Variants in PPP1R3A observed in about 807,000 individuals in gnomAD.
PPP1R3A encodes the protein RG1.
PPP1R3A carries 29 observed loss-of-function variants against 41.7 expected under a neutral mutation model. The observed-to-expected ratio is 0.70, with a 90% confidence interval of 0.52 to 0.95. PPP1R3A has a LOEUF of 0.95. PPP1R3A is among the 40% of genes least tolerant of loss of function. The probability of loss-of-function intolerance (pLI) is 0.00; values close to 1 mark genes in which losing one functional copy is unlikely to be tolerated. For synonymous variants in PPP1R3A, 485 were observed against 453.4 expected (o/e 1.07, Z -0.89); for missense variants, 1,352 against 1,292.4 (o/e 1.05, Z -0.71).
At chr7:113,901,202 T>C (rs1215191772) in intron 1 of PPP1R3A, among the ~76,000 whole-genome samples, 3 of 151,706 alleles carry the variant, frequency 2.0e-5, no homozygotes, top group Admixed American at 2.0e-4. Context: ...TAGTGACTTA[T>C]TTCTGTGTGA....
At chr7:113,897,400 G>T (rs1211819709) in intron 1 of PPP1R3A, among the ~76,000 whole-genome samples, 1 of 151,596 alleles carries the variant, frequency 6.6e-6, no homozygotes. Flanking sequence ...TTACTAACAT[G>T]ATTATCACAA....
At chr7:113,893,285 AC>A (rs1796923469) in intron 1 of PPP1R3A, among the ~76,000 whole-genome samples, 1 of 152,048 alleles carries the variant, frequency 6.6e-6, no homozygotes, top group Non-Finnish European at 1.5e-5. Context: ...TTTTTCAAAA[AC>A]AAAAATGCTG....
Position 113,877,953 on chromosome 7 carries a change from C to A in PPP1R3A, c.3139G>T (p.Asp1047Tyr), listed in dbSNP as rs1204032532. 3.7e-6 allele frequency: 6 copies of A among 1,613,302 alleles called. No individual in the cohort carries two copies. The highest frequency in any genetic ancestry group is 3.3e-5 in the Admixed American group (2 of 59,916). Residue 1047 changes from aspartate (D) to tyrosine (Y), a missense_variant, in exon 4 of 4, where the codon GAC becomes TAC. Asp to Tyr is a radical substitution (Grantham distance 160). Transcript: ENST00000284601. ...SLYTSGEKES[D>Y]SSASTSLPVE... ...GGAAGACTAGTAGAAGCAGAGCTGT[C>A]AGATTCCTTTTCACCTGAAGTGTAT... is the stretch of plus-strand genomic sequence containing the variant.
intron 1 of PPP1R3A, among the ~76,000 whole-genome samples, chr7:113,909,000 G>A (rs1011121695): frequency 6.6e-6 from 1 of 151,846 alleles, no homozygotes; most frequent in Non-Finnish European, 1.5e-5. Flanking sequence ...ATTATGAAGA[G>A]AAAGAGGGGA....
chr7:113,916,195 G>A (rs1797339967), intron 1 of PPP1R3A, among the ~76,000 whole-genome samples: 1 of 151,962 alleles, frequency 6.6e-6, no homozygotes, highest in Admixed American at 6.6e-5. Context: ...TGTATTTGTG[G>A]TTTTGAGGGA....
At chr7:113,912,427 C>CAT (rs201719711) in intron 1 of PPP1R3A, among the ~76,000 whole-genome samples, 1,552 of 152,066 alleles carry the variant, frequency 0.01, 21 homozygotes, top group African/African-American at 0.033. Context: ...CACACACACA[C>CAT]ATATATATAT....
chr7:113,898,960 T>C (rs1275078520), intron 1 of PPP1R3A, among the ~76,000 whole-genome samples: 1 of 151,812 alleles, frequency 6.6e-6, no homozygotes, highest in Non-Finnish European at 1.5e-5. Flanking sequence ...TTCATTAAAA[T>C]GTAATCATCA....
chr7:113,896,003 C>T (rs954226656), intron 1 of PPP1R3A, among the ~76,000 whole-genome samples: 1 of 151,816 alleles, frequency 6.6e-6, no homozygotes, highest in African/African-American at 2.4e-5. Flanking sequence ...TATTAGGCTA[C>T]CTGTTGATGA....
chr7:113,903,083 G>T (rs773967042), intron 1 of PPP1R3A, among the ~76,000 whole-genome samples: 5 of 151,610 alleles, frequency 3.3e-5, no homozygotes, highest in Admixed American at 6.6e-5. Context: ...TAACCTGGAA[G>T]TCACTGGTAT....
chr7:113,881,369 T>C (rs1381841846), intron 3 of PPP1R3A, among the ~76,000 whole-genome samples: 1 of 152,028 alleles, frequency 6.6e-6, no homozygotes, highest in East Asian at 1.9e-4. Flanking sequence ...TAAATTGCAT[T>C]ATGTGACTCA....
In PPP1R3A at chr7:113,895,762, A is replaced by C. The variant is rs1796966476; in HGVS notation, c.783-13442T>G. 2.0e-5 allele frequency among the ~76,000 whole-genome samples: 3 copies of C among 151,974 alleles called. No individual in the cohort carries two copies. The South Asian group carries it at 6.2e-4, about 31-fold the overall frequency. ...GGTTAGTTTGCATTAAAATCCAAAC[A>C]AGAACCCTATTATTAAACTGGATTT... On this transcript the variant is annotated intron_variant, in intron 1 of 3. Transcript: ENST00000284601.
intron 1 of PPP1R3A, among the ~76,000 whole-genome samples, chr7:113,897,930 T>G (rs189343910): frequency 6.6e-6 from 1 of 151,884 alleles, no homozygotes; most frequent in Admixed American, 6.6e-5. Context: ...AGGAGTGAAG[T>G]GCAAGAGCCA....
chr7:113,895,423 CA>C (rs2129117256), intron 1 of PPP1R3A, among the ~76,000 whole-genome samples: 1 of 151,972 alleles, frequency 6.6e-6, no homozygotes, highest in South Asian at 2.1e-4. Flanking sequence ...AAAGTAGCCA[CA>C]ACAATGAAGT....
intron 1 of PPP1R3A, among the ~76,000 whole-genome samples, chr7:113,898,224 T>C (rs1428847479): frequency 6.6e-6 from 1 of 151,874 alleles, no homozygotes; most frequent in Non-Finnish European, 1.5e-5. Context: ...TACAGTCTAA[T>C]GAAGGTTAAC....
Position 113,918,369 on chromosome 7 carries a change from G to A in PPP1R3A, c.628C>T (p.Arg210Cys), listed in dbSNP as rs141223649. ...KDGSKVEFCI[R>C]YETSVGTFWS... ...AATGTACCAACAGAAGTTTCATAAC[G>A]TATACAAAACTCAACTTTACTGCCA... The change falls in exon 1 of 4, where the codon CGT becomes TGT. Residue 210 changes from arginine to cysteine, a missense_variant. Arg to Cys is a radical substitution (Grantham distance 180). Transcript: ENST00000284601. The A allele has an allele frequency of 1.7e-4, 281 of 1,613,214 alleles. 2 individuals carry two copies. The African/African-American group carries it at 2.8e-3, about 16-fold the overall frequency.
chr7:113,901,897 G>T (rs1329334157), intron 1 of PPP1R3A, among the ~76,000 whole-genome samples: 1 of 151,712 alleles, frequency 6.6e-6, no homozygotes, highest in Non-Finnish European at 1.5e-5. Flanking sequence ...GTCGAAAAAA[G>T]ATCATAAACA....
At chr7:113,911,247 G>A (rs1797239331) in intron 1 of PPP1R3A, among the ~76,000 whole-genome samples, 1 of 151,982 alleles carries the variant, frequency 6.6e-6, no homozygotes, top group Admixed American at 6.6e-5. Context: ...AAAACCAGTT[G>A]TTATTTTTAT....
intron 1 of PPP1R3A, among the ~76,000 whole-genome samples, chr7:113,904,826 A>T (rs531833042): frequency 6.6e-6 from 1 of 151,720 alleles, no homozygotes; most frequent in Non-Finnish European, 1.5e-5. Context: ...TCCAGTCAAC[A>T]GCTAATTCGT....
Position 113,918,567 on chromosome 7 carries a change from C to G in PPP1R3A, c.430G>C (p.Gly144Arg). The G allele has an allele frequency of 1.9e-6, 3 of 1,612,904 alleles. No individual in the cohort carries two copies. Among genetic ancestry groups the G allele is most frequent in the Non-Finnish European group, 2.5e-6 (3 of 1,179,286 alleles). ...GAAACATTCAAAACTCGAATAATAC[C>G]CTTGATACTTGTAGACCCAAGAAGA... ...ESLLGSTSIK[G>R]IIRVLNVSFE... The change falls in exon 1 of 4, where the codon GGT (glycine) becomes CGT (arginine). Residue 144 changes from glycine (G) to arginine (R), a missense_variant. Transcript: ENST00000284601.
Sources: allele counts gnomAD v4.1 joint callset (sites outside exome capture counted in the v4.1 genomes callset), GRCh38; gene constraint gnomAD v4.1.1; transcripts MANE v1.5; gene names NCBI Gene and HGNC (gene_info 2026-07-23, HGNC 2026-07-21).